Variants in ZNF667 observed in about 807,000 individuals in gnomAD.
ZNF667 encodes zinc finger protein 667.
In ZNF667, 13 loss-of-function variants were observed where a neutral mutation model predicts 31.8. That is an observed-to-expected ratio of 0.41 (90% CI 0.27 to 0.65). The LOEUF is 0.65. ZNF667 is among the 30% of genes least tolerant of loss of function. The pLI is 0.32. For missense variants in ZNF667, 642 were observed against 725.6 expected (o/e 0.88, Z 1.32); for synonymous variants, 228 against 247.1 (o/e 0.92, Z 0.73).
In ZNF667 at chr19:56,460,693, C is replaced by A. The variant is rs201925775; in HGVS notation, c.156G>T (p.Ser52=). Reference sequence around the variant, plus strand: ...GTGGGGGACGAAGAGCCTTACCAAGCGAGACCAGGTTCCGGTAATTCTCCA... The same window carrying A: ...GTGGGGGACGAAGAGCCTTACCAAGAGAGACCAGGTTCCGGTAATTCTCCA... ...VMLENYRNLV[S]LGLSFRRPNV... is the part of the protein sequence containing the mutation. The change falls in exon 5 of 7, where the codon TCG becomes TCT. Residue 52 remains serine (S), a synonymous_variant. Transcript: ENST00000504904. The A allele has an allele frequency of 2.5e-6, 4 of 1,611,132 alleles. No homozygotes were observed. The highest frequency in any genetic ancestry group is 3.4e-6 in the Non-Finnish European group (4 of 1,178,668).
At position 56,458,261 on chromosome 19, in the gene ZNF667, A is replaced by G. The variant is rs1274306082; in HGVS notation, c.161-14T>C. 4 of 1,611,282 alleles carry G rather than the reference A, an allele frequency of 2.5e-6. No individual in the cohort carries two copies. In the African/African-American group the frequency reaches 4.0e-5, roughly 16 times the overall value. On this transcript the variant is annotated splice_polypyrimidine_tract_variant and intron_variant, in intron 5 of 6. Transcript: ENST00000504904. ...GAAAGGAAAGACCTGTACGTGGGAC[A>G]AACATGGGAAATGATCATAAATGTG... is the stretch of plus-strand genomic sequence containing the variant.
chr19:56,474,509 G>A (rs1363878369), intron 1 of ZNF667: 1 of 152,208 alleles, frequency 6.6e-6, no homozygotes, highest in Non-Finnish European at 1.5e-5. Flanking sequence ...ACTTTGCCCG[G>A]GAACACATTA....
intron 5 of ZNF667, 120 bp downstream of exon 5, chr19:56,460,569 A>C: frequency 8.8e-7 from 1 of 1,132,246 alleles, no homozygotes. Flanking sequence ...TGTGAATTAT[A>C]TCTCAATAAA....
At chr19:56,477,657 ACT>A (rs2043445973), upstream of ZNF667, 2 of 152,462 alleles carry the variant, frequency 1.3e-5, no homozygotes, top group African/African-American at 4.8e-5. Context: ...ACGTGTGGAC[ACT>A]GAGGCCCTTC....
intron 3 of ZNF667, chr19:56,466,894 T>C: frequency 2.4e-6 from 1 of 416,646 alleles, no homozygotes; most frequent in South Asian, 1.8e-5. Context: ...CTCCTTACAG[T>C]TTCCCATTCC....
At chr19:56,460,111 A>T (rs900627042) in intron 5 of ZNF667, among the ~76,000 whole-genome samples, 2 of 152,194 alleles carry the variant, frequency 1.3e-5, no homozygotes, top group Admixed American at 6.5e-5. Context: ...CCACACAAAA[A>T]ATTTGTATAT....
chr19:56,443,108 G>A (rs1274201969), intron 6 of ZNF667, among the ~76,000 whole-genome samples: 1 of 152,120 alleles, frequency 6.6e-6, no homozygotes, highest in Non-Finnish European at 1.5e-5. Context: ...TGGGGCTCAA[G>A]GTAGGAATGG....
At chr19:56,451,376 TG>T (rs1296552114) in intron 6 of ZNF667, among the ~76,000 whole-genome samples, 1 of 151,928 alleles carries the variant, frequency 6.6e-6, no homozygotes, top group Non-Finnish European at 1.5e-5. Flanking sequence ...CAATAATTGT[TG>T]GAGACTTAAC....
chr19:56,476,582 G>C (rs1430677830), intron 1 of ZNF667, among the ~76,000 whole-genome samples: 1 of 152,168 alleles, frequency 6.6e-6, no homozygotes. Context: ...ATAACACCCA[G>C]GCAGGTGCTA....
chr19:56,448,764 G>A lies in ZNF667; in HGVS notation c.254-6023C>T, dbSNP rs1012369808. On this transcript the variant is annotated intron_variant, in intron 6 of 6. Coordinates refer to ENST00000504904, the MANE Select transcript of ZNF667 (RefSeq NM_001321356.2). ...TGCCCTAAAGGGAAAAACAGGCCTG[G>A]AAGAATTTACCACCTGATGAATTAA... 2.0e-5 allele frequency among the ~76,000 whole-genome samples: 3 copies of A among 152,294 alleles called. No homozygotes were observed. The East Asian group carries it at 5.8e-4, about 29-fold the overall frequency.
intron 6 of ZNF667, among the ~76,000 whole-genome samples, chr19:56,448,173 G>C (rs993510234): frequency 4.6e-5 from 7 of 152,100 alleles, no homozygotes; most frequent in African/African-American, 1.7e-4. Context: ...CTATGTGTTT[G>C]GAGGAGGAAG....
chr19:56,469,713 C>T (rs2043245969), intron 3 of ZNF667, among the ~76,000 whole-genome samples: 1 of 152,270 alleles, frequency 6.6e-6, no homozygotes, highest in Middle Eastern at 3.4e-3. Context: ...CAGCTCTTAT[C>T]GTGGTGTAAC....
At chr19:56,454,451 A>C (rs544359463) in intron 6 of ZNF667, among the ~76,000 whole-genome samples, 3 of 152,278 alleles carry the variant, frequency 2.0e-5, no homozygotes, top group African/African-American at 7.2e-5. Context: ...TATAGTAATC[A>C]AAACAGCTTG....
chr19:56,469,471 GA>G (rs1315394641), intron 3 of ZNF667, among the ~76,000 whole-genome samples: 1 of 152,160 alleles, frequency 6.6e-6, no homozygotes, highest in Non-Finnish European at 1.5e-5. Context: ...GGACAATACA[GA>G]ACCTACTTCT....
chr19:56,442,342 T>C lies in ZNF667; in HGVS notation c.653A>G (p.His218Arg), dbSNP rs954623830. The change falls in exon 7 of 7, where the codon CAT becomes CGT. Residue 218 changes from histidine (H) to arginine (R), a missense_variant. Coordinates refer to ENST00000504904, the MANE Select transcript of ZNF667 (RefSeq NM_001321356.2). ...TTCCTTTCCATCATGAATTCTCATA[T>C]GTAGAATAAGGGTTGTTCTTTGATT... ...SFNQRTTLIL[H>R]MRIHDGKEIL... 1.2e-6 allele frequency: 2 copies of C among 1,614,054 alleles called. No individual in the cohort carries two copies. The highest frequency in any genetic ancestry group is 1.7e-6 in the Non-Finnish European group (2 of 1,179,948).
At chr19:56,452,982 T>C (rs1315117974) in intron 6 of ZNF667, among the ~76,000 whole-genome samples, 1 of 150,206 alleles carries the variant, frequency 6.7e-6, no homozygotes, top group African/African-American at 2.4e-5. Flanking sequence ...TAAACAGAAT[T>C]GACAAACTTT....
At chr19:56,460,864 A>G (rs774580815) in intron 4 of ZNF667, 49 bp from the exon 5 acceptor site, 20 of 1,521,076 alleles carry the variant, frequency 1.3e-5, no homozygotes, top group South Asian at 9.3e-5. Flanking sequence ...GTGCTTCCAC[A>G]TGGCTGGAGG....
chr19:56,467,580 G>GCCCCA, intron 3 of ZNF667: 1 of 152,284 alleles, frequency 6.6e-6, no homozygotes, highest in South Asian at 2.1e-4. Context: ...CCCCAAGACT[G>GCCCCA]CCCCACCTGC....
intron 4 of ZNF667, among the ~76,000 whole-genome samples, chr19:56,461,593 C>T (rs1031021059): frequency 5.3e-5 from 8 of 152,202 alleles, no homozygotes; most frequent in African/African-American, 9.6e-5. Flanking sequence ...TGTGCCTGGA[C>T]GCCAACCACA....
Sources: gnomAD v4.1 joint callset for allele counts (sites outside exome capture counted in the v4.1 genomes callset) on GRCh38, gnomAD v4.1.1 for gene constraint, MANE v1.5 for transcripts, NCBI Gene and HGNC (gene_info 2026-07-23, HGNC 2026-07-21) for gene names.